DENND1A: variants seen among roughly 807,000 people sequenced by gnomAD.
DENND1A encodes DENN domain containing 1A.
Under a neutral mutation model 113.7 loss-of-function variants are expected in DENND1A, and 51 were observed. The ratio of observed to expected loss-of-function variants is 0.45; its 90% confidence interval spans 0.36 to 0.57. The LOEUF (loss-of-function observed/expected upper bound fraction) is 0.57, where lower values mean the gene tolerates loss of function less well. Among genes scored for constraint, DENND1A ranks in the 20% least tolerant of loss-of-function variants. The probability of loss-of-function intolerance (pLI) is 0.00; values close to 1 mark genes in which losing one functional copy is unlikely to be tolerated. For synonymous variants in DENND1A, 565 were observed against 570.8 expected, an observed-to-expected ratio of 0.99 and a Z score of 0.14; for missense variants, 1,258 against 1,395.9, an observed-to-expected ratio of 0.90 and a Z score of 1.57.
intron 1 of DENND1A, among the ~76,000 whole-genome samples, chr9:123,900,921 A>C (rs1851514425): frequency 6.6e-6 from 1 of 152,246 alleles, no homozygotes. Context: ...ATAAACTCAA[A>C]GAATAAACAT....
intron 12 of DENND1A, among the ~76,000 whole-genome samples, chr9:123,581,983 C>A (rs549317339): frequency 1.3e-4 from 20 of 152,242 alleles, no homozygotes; most frequent in Non-Finnish European, 2.6e-4. Flanking sequence ...CAAGTAGCAA[C>A]AGAAGACAGG....
intron 9 of DENND1A, among the ~76,000 whole-genome samples, chr9:123,644,361 T>C (rs1411071592): frequency 5.2e-5 from 6 of 115,802 alleles, no homozygotes; most frequent in Non-Finnish European, 8.4e-5. Flanking sequence ...TTAGTGGTCT[T>C]GGAGCTTTAC....
At chr9:123,471,432 T>C (rs935505283) in intron 13 of DENND1A, among the ~76,000 whole-genome samples, 1 of 152,180 alleles carries the variant, frequency 6.6e-6, no homozygotes, top group African/African-American at 2.4e-5. Context: ...CAAATTAGGA[T>C]GGTTTCCTGC....
chr9:123,751,463 C>T (rs1436747808), intron 5 of DENND1A: 1 of 152,322 alleles, frequency 6.6e-6, no homozygotes, highest in Non-Finnish European at 1.5e-5. Context: ...GTGCTACCTC[C>T]AAAGTGACAC....
chr9:123,807,027 G>C (rs1835702434), intron 2 of DENND1A, among the ~76,000 whole-genome samples: 2 of 152,014 alleles, frequency 1.3e-5, no homozygotes, highest in African/African-American at 4.8e-5. Flanking sequence ...TTCAAGTGAT[G>C]CAATATTTAC....
intron 2 of DENND1A, among the ~76,000 whole-genome samples, chr9:123,818,774 A>G (rs918150746): frequency 2.6e-5 from 4 of 152,184 alleles, no homozygotes; most frequent in Admixed American, 2.6e-4. Context: ...ACAAGGCTTC[A>G]GATTCTGCAG....
intron 5 of DENND1A, among the ~76,000 whole-genome samples, chr9:123,750,674 A>G (rs2069941770): frequency 6.6e-6 from 1 of 152,244 alleles, no homozygotes; most frequent in African/African-American, 2.4e-5. Context: ...AAACAGTTCC[A>G]GAGAGACAGA....
At chr9:123,851,277 G>GA (rs1843310898) in intron 2 of DENND1A, among the ~76,000 whole-genome samples, 1 of 152,204 alleles carries the variant, frequency 6.6e-6, no homozygotes, top group South Asian at 2.1e-4. Context: ...AATGGAATCA[G>GA]AAAGTATGTA....
intron 13 of DENND1A, among the ~76,000 whole-genome samples, chr9:123,547,224 A>G (rs1196325430): frequency 6.6e-6 from 1 of 152,218 alleles, no homozygotes; most frequent in Non-Finnish European, 1.5e-5. Context: ...ATTTTCTCAT[A>G]TGCATTTAAA....
At chr9:123,928,580 T>C (rs2134252632) in intron 1 of DENND1A, 2 of 985,454 alleles carry the variant, frequency 2.0e-6, no homozygotes, top group Admixed American at 6.1e-5. Context: ...CATGCGACTC[T>C]TCCATTTTCA....
intron 8 of DENND1A, among the ~76,000 whole-genome samples, chr9:123,666,374 C>A (rs975802997): frequency 4.6e-5 from 7 of 152,136 alleles, no homozygotes; most frequent in African/African-American, 1.7e-4. Context: ...AAACATCAAC[C>A]TTCTGCTCTC....
At chr9:123,577,277 A>AT (rs1051655702) in intron 12 of DENND1A, among the ~76,000 whole-genome samples, 21 of 150,694 alleles carry the variant, frequency 1.4e-4, no homozygotes, top group African/African-American at 2.2e-4. Flanking sequence ...CCCATAAGTG[A>AT]TTTTTTTTTC....
chr9:123,431,950 C>T (rs536367015), intron 19 of DENND1A, among the ~76,000 whole-genome samples: 1 of 152,316 alleles, frequency 6.6e-6, no homozygotes, highest in African/African-American at 2.4e-5. Flanking sequence ...CCAACATGAA[C>T]TTGGGCTGAA....
At chr9:123,917,250 A>G (rs1441478662) in intron 1 of DENND1A, among the ~76,000 whole-genome samples, 1 of 152,162 alleles carries the variant, frequency 6.6e-6, no homozygotes, top group Non-Finnish European at 1.5e-5. Flanking sequence ...AACCACAGAA[A>G]AAAACCAATT....
At chr9:123,595,977 C>T (rs2059670690) in intron 11 of DENND1A, among the ~76,000 whole-genome samples, 1 of 152,194 alleles carries the variant, frequency 6.6e-6, no homozygotes, top group Non-Finnish European at 1.5e-5. Flanking sequence ...CAAACTGAAG[C>T]AGGCTTCCCA....
intron 2 of DENND1A, among the ~76,000 whole-genome samples, chr9:123,804,468 C>A (rs1473521674): frequency 6.6e-6 from 1 of 152,176 alleles, no homozygotes; most frequent in East Asian, 1.9e-4. Flanking sequence ...GCTGATCTCT[C>A]CCTATTGAAG....
At chr9:123,591,994 G>C (rs2059480873) in intron 11 of DENND1A, among the ~76,000 whole-genome samples, 1 of 152,232 alleles carries the variant, frequency 6.6e-6, no homozygotes, top group African/African-American at 2.4e-5. Context: ...CTTCTGTACT[G>C]TGTAAACATC....
intron 13 of DENND1A, among the ~76,000 whole-genome samples, chr9:123,514,062 T>C (rs2053667015): frequency 8.1e-6 from 1 of 123,766 alleles, no homozygotes; most frequent in Non-Finnish European, 1.7e-5. Flanking sequence ...GGTTCTATTT[T>C]GAGGTGTGTG....
chr9:123,760,608 G>A (rs1437169996), intron 4 of DENND1A, among the ~76,000 whole-genome samples: 3 of 152,160 alleles, frequency 2.0e-5, no homozygotes, highest in African/African-American at 4.8e-5. Context: ...TTATAGGGCC[G>A]TCAAGGGGAC....
Sources: gnomAD v4.1 joint callset for allele counts (sites outside exome capture counted in the v4.1 genomes callset) on GRCh38, gnomAD v4.1.1 for gene constraint, MANE v1.5 for transcripts, NCBI Gene and HGNC (gene_info 2026-07-23, HGNC 2026-07-21) for gene names.